The following LRP8 variants were observed in gnomAD, a reference collection of about 807,000 sequenced individuals.
The protein encoded by LRP8 is low-density lipoprotein receptor-related protein 8.
LRP8 carries 46 observed loss-of-function variants against 111.6 expected under a neutral mutation model. The ratio of observed to expected loss-of-function variants is 0.41; its 90% confidence interval spans 0.33 to 0.53. The LOEUF (loss-of-function observed/expected upper bound fraction) is 0.53, where lower values mean the gene tolerates loss of function less well. LRP8 is among the 20% of genes least tolerant of loss of function. LRP8 has a pLI of 0.20. For missense variants in LRP8, 959 were observed against 1,297.4 expected (o/e 0.74, Z 4.01); for synonymous variants, 464 against 511.2 (o/e 0.91, Z 1.24).
In LRP8 at chr1:53,303,950, C is replaced by G. The variant is rs926184722; in HGVS notation, c.245-14261G>C. Among the ~76,000 whole-genome samples, 2 of 152,148 alleles carry G rather than the reference C, an allele frequency of 1.3e-5. No homozygotes were observed. The highest frequency in any genetic ancestry group is 4.8e-5 in the African/African-American group (2 of 41,434). ...TGTACAAATGGATTTTTCACCCCTCCTTGTTCTTTGGCTCGGTCAGAAAGA... is the reference window on the plus strand; with the variant it reads ...TGTACAAATGGATTTTTCACCCCTCGTTGTTCTTTGGCTCGGTCAGAAAGA... On this transcript the variant is annotated intron_variant, in intron 2 of 18. Coordinates refer to ENST00000306052, the MANE Select transcript of LRP8 (RefSeq NM_004631.5). This position sits in a 1 kb window ranked among gnomAD's most constrained non-coding sequence, Gnocchi z 4.3.
chr1:53,264,551 A>G (rs1179386845), intron 9 of LRP8, among the ~76,000 whole-genome samples, 155 bp from the exon 10 acceptor site: 1 of 152,160 alleles, frequency 6.6e-6, no homozygotes, highest in African/African-American at 2.4e-5. Flanking sequence ...TCCCTGGGGT[A>G]CCAGGGTAGG....
Position 53,247,030 on chromosome 1 carries a change from A to AT in LRP8, c.2879dup (p.Asp960GlufsTer28). On this transcript the variant is annotated frameshift_variant, in exon 19 of 19. Transcript: ENST00000306052. LOFTEE classifies it high-confidence loss of function. ...GGTGATCCCATCCTCAGGGTAGTCC[A>AT]TCATCTTCAAGGCTTAATGCCACTC... is the stretch of plus-strand genomic sequence containing the variant. 3 of 1,604,668 alleles carry AT rather than the reference A, an allele frequency of 1.9e-6. No individual in the cohort carries two copies. The highest frequency in any genetic ancestry group is 2.6e-6 in the Non-Finnish European group (3 of 1,176,458).
chr1:53,300,200 A>G (rs1412556632), intron 2 of LRP8, among the ~76,000 whole-genome samples: 2 of 152,116 alleles, frequency 1.3e-5, no homozygotes, highest in African/African-American at 2.4e-5. Flanking sequence ...TAACCACTCA[A>G]TGGTTATGGA....
rs1004722165 is a variant in LRP8 at position 53,250,209 on chromosome 1, G to C, written c.2676+481C>G. Among the ~76,000 whole-genome samples, 1 of 152,186 alleles carries C rather than the reference G, an allele frequency of 6.6e-6. No homozygotes were observed. Among genetic ancestry groups the C allele is most frequent in the African/African-American group, 2.4e-5 (1 of 41,432 alleles). On this transcript the variant is annotated intron_variant, in intron 17 of 18. Transcript: ENST00000306052. This position sits in a 1 kb window ranked among gnomAD's most constrained non-coding sequence, Gnocchi z 4.6. ...TTTTGAATACTTGATATCTAATGTG[G>C]TGCTTGGCACATAACTGGCATACAG...
At chr1:53,284,190 G>C (rs1647227024) in intron 3 of LRP8, among the ~76,000 whole-genome samples, 1 of 101,682 alleles carries the variant, frequency 9.8e-6, no homozygotes, top group Admixed American at 1.1e-4. Flanking sequence ...ACATACCCGG[G>C]CCGCTTACTT....
chr1:53,273,285 A>G (rs1323276546), intron 6 of LRP8, among the ~76,000 whole-genome samples: 2 of 152,196 alleles, frequency 1.3e-5, no homozygotes, highest in East Asian at 3.9e-4. Context: ...ACACACCTAC[A>G]TGCACACACC....
intron 6 of LRP8, among the ~76,000 whole-genome samples, chr1:53,274,074 T>C (rs995401402): frequency 6.6e-6 from 1 of 152,190 alleles, no homozygotes; most frequent in Non-Finnish European, 1.5e-5. Flanking sequence ...CTCTGTTCTT[T>C]CTAGCCTGGA....
chr1:53,285,789 G>A (rs890309520), intron 3 of LRP8, among the ~76,000 whole-genome samples: 1 of 152,140 alleles, frequency 6.6e-6, no homozygotes, highest in Admixed American at 6.5e-5. Flanking sequence ...AGATGCCCCC[G>A]GAGGGGACCA....
intron 9 of LRP8, among the ~76,000 whole-genome samples, chr1:53,265,523 A>T (rs891798002): frequency 6.6e-6 from 1 of 152,172 alleles, no homozygotes; most frequent in Admixed American, 6.5e-5. Context: ...AAAATTCACT[A>T]TGAAGGAGTA....
intron 8 of LRP8, chr1:53,267,748 C>T (rs945177550): frequency 2.6e-5 from 4 of 152,210 alleles, no homozygotes; most frequent in Admixed American, 2.6e-4. Context: ...CCTAGACTTT[C>T]CTGGCTACTC....
rs529072109 is a variant in LRP8 at position 53,316,410 on chromosome 1, G to A, written c.244+10463C>T. Among the ~76,000 whole-genome samples, 308 of 152,348 alleles carry A rather than the reference G, an allele frequency of 2.0e-3. 1 individual carries two copies. The highest frequency in any genetic ancestry group is 7.0e-3 in the African/African-American group (289 of 41,576). ...AGGTATTAAAAAATCAGCCCCGTCA[G>A]AGCTCAGCACAAAAATAAGTAGGTG... On this transcript the variant is annotated intron_variant, in intron 2 of 18. Transcript: ENST00000306052.
At chr1:53,272,912 AACT>A in intron 6 of LRP8, among the ~76,000 whole-genome samples, 1 of 152,310 alleles carries the variant, frequency 6.6e-6, no homozygotes, top group Admixed American at 6.5e-5. Flanking sequence ...AGCTAGCAAC[AACT>A]CAACAATTCT....
In LRP8 at chr1:53,244,131, TAAG is replaced by T. The variant is rs1286593348; in HGVS notation, c.*2884_*2886del. 1 of 152,238 alleles carries T rather than the reference TAAG, an allele frequency of 6.6e-6. No homozygotes were observed. The highest frequency in any genetic ancestry group is 2.4e-5 in the African/African-American group (1 of 41,468). The allele number at this position is 152,238 out of a possible 1,614,324, so 9.4% of individuals were successfully genotyped here. A position where few individuals can be genotyped will look rare whatever the true frequency, so the allele number is the denominator to read the frequency against. On this transcript the variant is annotated 3_prime_UTR_variant, in exon 19 of 19. Coordinates refer to ENST00000306052, the MANE Select transcript of LRP8 (RefSeq NM_004631.5). ...AAATAATCTGTGTATCAAGAGTAAATAAGTACAGTTTCGTTTTCTCTGTTTCTA... is the reference window on the plus strand; with the variant it reads ...AAATAATCTGTGTATCAAGAGTAAATTACAGTTTCGTTTTCTCTGTTTCTA...
chr1:53,310,686 G>A (rs2100521784), intron 2 of LRP8, among the ~76,000 whole-genome samples: 1 of 152,308 alleles, frequency 6.6e-6, no homozygotes, highest in East Asian at 1.9e-4. Flanking sequence ...GAGCCATGGA[G>A]CCTCTCGGGA....
intron 15 of LRP8, among the ~76,000 whole-genome samples, chr1:53,256,361 A>T: frequency 6.6e-6 from 1 of 152,264 alleles, no homozygotes; most frequent in African/African-American, 2.4e-5. Context: ...CGAACACTGG[A>T]CAGTGATATT....
chr1:53,270,708 C>G lies in LRP8; in HGVS notation c.1252+320G>C, dbSNP rs114912501. On this transcript the variant is annotated intron_variant, in intron 8 of 18. Transcript: ENST00000306052. ...TCATTCTCTTTTAGCAGGCTGCCCC[C>G]ACTCTGCGTCACCTTTCAGAGTGCA... 3.9e-3 allele frequency among the ~76,000 whole-genome samples: 593 copies of G among 152,348 alleles called. 4 individuals carry two copies. The highest frequency in any genetic ancestry group is 0.014 in the African/African-American group (571 of 41,576).
chr1:53,255,861 G>T (rs1205156837), intron 15 of LRP8, among the ~76,000 whole-genome samples: 1 of 152,170 alleles, frequency 6.6e-6, no homozygotes, highest in African/African-American at 2.4e-5. Context: ...ATATGGTAAG[G>T]ATTAAATGAA....
intron 2 of LRP8, among the ~76,000 whole-genome samples, chr1:53,299,425 G>A (rs938202087): frequency 8.5e-5 from 13 of 152,190 alleles, no homozygotes; most frequent in African/African-American, 2.9e-4. Flanking sequence ...GGCCCATCCC[G>A]GTGATAAATG....
intron 2 of LRP8, among the ~76,000 whole-genome samples, chr1:53,300,936 T>C (rs1291690075): frequency 6.6e-6 from 1 of 151,808 alleles, no homozygotes; most frequent in African/African-American, 2.4e-5. Flanking sequence ...ATTGGAGGAG[T>C]CAGGTTTTCA....
Sources: gnomAD v4.1 joint callset for allele counts (sites outside exome capture counted in the v4.1 genomes callset) on GRCh38, gnomAD v4.1.1 for gene constraint, Gnocchi (gnomAD v3.1) non-coding constraint, MANE v1.5 for transcripts, NCBI Gene and HGNC (gene_info 2026-07-23, HGNC 2026-07-21) for gene names.